Variants in DHRS7C observed in about 807,000 individuals in gnomAD.
The protein encoded by DHRS7C is dehydrogenase/reductase SDR family member 7C.
Under a neutral mutation model 29.6 loss-of-function variants are expected in DHRS7C, and 28 were observed. That is an observed-to-expected ratio of 0.95 (90% CI 0.70 to 1.30). The LOEUF (loss-of-function observed/expected upper bound fraction) is 1.30, where lower values mean the gene tolerates loss of function less well. DHRS7C is among the 50% of genes most tolerant of loss of function. The pLI is 0.00. For synonymous variants in DHRS7C, 158 were observed against 160.2 expected, an observed-to-expected ratio of 0.99 and a Z score of 0.10; for missense variants, 403 against 393.3, an observed-to-expected ratio of 1.02 and a Z score of -0.21.
rs771770633 is a variant in DHRS7C, at chr17:9,791,240, T to A, written c.45A>T (p.Gly15=). 6.2e-7 allele frequency: 1 copy of A among 1,613,728 alleles called. No individual in the cohort carries two copies. Among genetic ancestry groups the A allele is most frequent in the Non-Finnish European group, 8.5e-7 (1 of 1,179,804 alleles). The change falls in exon 1 of 6, where the codon GGA becomes GGT. Residue 15 remains glycine, a synonymous_variant. Coordinates refer to ENST00000571134, the MANE Select transcript of DHRS7C (RefSeq NM_001105571.3). ...GGTAAATGAAGAGGAGGCCGCTGAT[T>A]CCCAGCAGCAGCAGGGGGAGCATCA... ...AMLMLPLLLL[G]ISGLLFIYQE...
At chr17:9,781,343 A>G (rs933228059) in intron 2 of DHRS7C, 139 bp downstream of exon 2, 24 of 730,652 alleles carry the variant, frequency 3.3e-5, no homozygotes, top group Non-Finnish European at 1.8e-5. Context: ...GCCTATGTCA[A>G]GGTCATTGGG....
chr17:9,776,210 GAAA>G (rs2066361802), intron 4 of DHRS7C, among the ~76,000 whole-genome samples: 5 of 151,932 alleles, frequency 3.3e-5, no homozygotes, highest in Non-Finnish European at 7.4e-5. Flanking sequence ...CTCAAAAAAA[GAAA>G]AAGAAAAGAA....
At chr17:9,781,747 G>A (rs1356400183) in intron 1 of DHRS7C, among the ~76,000 whole-genome samples, 153 bp from the exon 2 acceptor site, 2 of 152,084 alleles carry the variant, frequency 1.3e-5, no homozygotes, top group East Asian at 3.9e-4. Context: ...TCCCTCCCCG[G>A]GCTGGAATTT....
intron 1 of DHRS7C, among the ~76,000 whole-genome samples, chr17:9,789,162 C>T (rs2066440764): frequency 6.6e-6 from 1 of 152,202 alleles, no homozygotes; most frequent in Non-Finnish European, 1.5e-5. Flanking sequence ...AAGAACTGAG[C>T]AACCTCCCCA....
At chr17:9,787,520 C>T (rs1489783441) in intron 1 of DHRS7C, among the ~76,000 whole-genome samples, 1 of 152,150 alleles carries the variant, frequency 6.6e-6, no homozygotes, top group Non-Finnish European at 1.5e-5. Flanking sequence ...CTTTGGTATA[C>T]CCAGGTGTCC....
chr17:9,773,565 A>G (rs2066343927), intron 4 of DHRS7C, among the ~76,000 whole-genome samples: 1 of 152,090 alleles, frequency 6.6e-6, no homozygotes, highest in Non-Finnish European at 1.5e-5. Context: ...ATGCACCCCA[A>G]CTTCACATTT....
intron 1 of DHRS7C, among the ~76,000 whole-genome samples, chr17:9,790,536 G>A (rs59528538): frequency 6.6e-6 from 1 of 152,356 alleles, no homozygotes; most frequent in Non-Finnish European, 1.5e-5. Flanking sequence ...GGTGGGGTGT[G>A]TGGCCCACTA....
chr17:9,791,496 C>T lies in DHRS7C; in HGVS notation c.-212G>A, dbSNP rs1597933905. Among the ~76,000 whole-genome samples the T allele has an allele frequency of 6.6e-6, 1 of 152,208 alleles. No homozygotes were observed. Among genetic ancestry groups the T allele is most frequent in the Non-Finnish European group, 1.5e-5 (1 of 68,036 alleles). On this transcript the variant is annotated 5_prime_UTR_variant, in exon 1 of 6. Coordinates refer to ENST00000571134, the MANE Select transcript of DHRS7C (RefSeq NM_001105571.3). ...CCGAAAGCAGACCGAATCCAGGGGG[C>T]CTGCCCTCCCCAGTGGTTAATTACA...
chr17:9,780,095 G>T, intron 2 of DHRS7C, 60 bp from the exon 3 acceptor site: 2 of 1,485,468 alleles, frequency 1.3e-6, no homozygotes, highest in South Asian at 1.3e-5. Flanking sequence ...TGCAGACCTT[G>T]GGAGCCCTCG....
chr17:9,787,902 G>T (rs2066433113), intron 1 of DHRS7C, among the ~76,000 whole-genome samples: 1 of 151,992 alleles, frequency 6.6e-6, no homozygotes, highest in South Asian at 2.1e-4. Flanking sequence ...GATATGCGGG[G>T]GTCTTACTAT....
At chr17:9,783,795 G>A (rs766113139) in intron 1 of DHRS7C, among the ~76,000 whole-genome samples, 37 of 152,054 alleles carry the variant, frequency 2.4e-4, no homozygotes, top group Non-Finnish European at 5.0e-4. Context: ...ATGAAACCCC[G>A]TCTCTACTAA....
chr17:9,773,047 A>C, intron 4 of DHRS7C, 125 bp from the exon 5 acceptor site: 6 of 1,179,820 alleles, frequency 5.1e-6, no homozygotes, highest in Non-Finnish European at 7.0e-6. Context: ...AAGATCCTCA[A>C]GAATCTGCCC....
At chr17:9,790,777 C>T (rs2066450379) in intron 1 of DHRS7C, among the ~76,000 whole-genome samples, 2 of 152,206 alleles carry the variant, frequency 1.3e-5, no homozygotes, top group Admixed American at 1.3e-4. Flanking sequence ...GAACTGAACC[C>T]AGCTCCTGAG....
intron 5 of DHRS7C, 109 bp downstream of exon 5, chr17:9,772,658 C>T: frequency 7.1e-7 from 1 of 1,405,122 alleles, no homozygotes; most frequent in Non-Finnish European, 9.5e-7. Context: ...CCACCCCCAT[C>T]CCCAGACTCA....
In DHRS7C at chr17:9,774,886, C is replaced by T. The variant is rs1052034009; in HGVS notation, c.572-1964G>A. Among the ~76,000 whole-genome samples, 2 of 152,190 alleles carry T rather than the reference C, an allele frequency of 1.3e-5. No individual in the cohort carries two copies. The highest frequency in any genetic ancestry group is 6.5e-5 in the Admixed American group (1 of 15,288). ...TTGGGGCCAGTCCAGGGTGGCATGG[C>T]TTCAGTTCTGACATTTACATGGGAA... is the stretch of plus-strand genomic sequence containing the variant. On this transcript the variant is annotated intron_variant, in intron 4 of 5. Transcript: ENST00000571134. The surrounding 1 kb of genome is among the most constrained non-coding windows in gnomAD (Gnocchi z 5.0).
chr17:9,784,268 C>T (rs1448291942), intron 1 of DHRS7C, among the ~76,000 whole-genome samples: 6 of 152,042 alleles, frequency 3.9e-5, no homozygotes, highest in Admixed American at 2.6e-4. Flanking sequence ...GTCAGGAGAT[C>T]GAGAACATCC....
chr17:9,781,500 G>T lies in DHRS7C; in HGVS notation c.249C>A (p.Ser83Arg), dbSNP rs765257727. The change falls in exon 2 of 6, where the codon AGC (serine) becomes AGA (arginine). Residue 83 changes from serine (S) to arginine (R), a missense_variant. By Grantham distance (110) the Ser-to-Arg change is moderately radical. Transcript: ENST00000571134. ...RLENLYDALI[S>R]VADPSKTFTP... Reference sequence around the variant, plus strand: ...ACCTTACCTTGCTGGGGTCAGCCACGCTGATCAAGGCATCATATAGGTTCT... The same window carrying T: ...ACCTTACCTTGCTGGGGTCAGCCACTCTGATCAAGGCATCATATAGGTTCT... The T allele has an allele frequency of 6.2e-7, 1 of 1,613,986 alleles. No homozygotes were observed. Among genetic ancestry groups the T allele is most frequent in the Non-Finnish European group, 8.5e-7 (1 of 1,179,878 alleles).
intron 1 of DHRS7C, among the ~76,000 whole-genome samples, 152 bp from the exon 2 acceptor site, chr17:9,781,746 G>T (rs973618145): frequency 2.0e-5 from 3 of 152,236 alleles, no homozygotes; most frequent in Middle Eastern, 6.8e-3. Flanking sequence ...CTCCCTCCCC[G>T]GGCTGGAATT....
In DHRS7C at chr17:9,787,898, C is replaced by CG. The variant is rs199921800; in HGVS notation, c.154+3232dup. Among the ~76,000 whole-genome samples the CG allele has an allele frequency of 4.5e-4, 69 of 152,074 alleles. No homozygotes were observed. In the East Asian group the frequency reaches 0.011, roughly 24 times the overall value. ...AAGTTTTACATTTTCTGTAGATATGCGGGGGTCTTACTATGTTGCCCAGGC... is the reference window on the plus strand; with the variant it reads ...AAGTTTTACATTTTCTGTAGATATGCGGGGGGTCTTACTATGTTGCCCAGGC... On this transcript the variant is annotated intron_variant, in intron 1 of 5. Coordinates refer to ENST00000571134, the MANE Select transcript of DHRS7C (RefSeq NM_001105571.3).
Sources: gnomAD v4.1 joint callset for allele counts (sites outside exome capture counted in the v4.1 genomes callset) on GRCh38, gnomAD v4.1.1 for gene constraint, Gnocchi (gnomAD v3.1) non-coding constraint, MANE v1.5 for transcripts, NCBI Gene and HGNC (gene_info 2026-07-23, HGNC 2026-07-21) for gene names.